The following ATP8A2 variants were observed in gnomAD, a reference collection of about 807,000 sequenced individuals.
ATP8A2 encodes the protein phospholipid-transporting ATPase IB.
In ATP8A2, 100 loss-of-function variants were observed where a neutral mutation model predicts 165.6. The ratio of observed to expected loss-of-function variants is 0.60; its 90% CI spans 0.51 to 0.71. The LOEUF (loss-of-function observed/expected upper bound fraction) is 0.71, where lower values mean the gene tolerates loss of function less well. ATP8A2 is among the 30% of genes least tolerant of loss of function. ATP8A2 has a pLI of 0.00. For synonymous variants in ATP8A2, 543 were observed against 548.8 expected, an observed-to-expected ratio of 0.99 and a Z score of 0.15; for missense variants, 1,227 against 1,479.5, an observed-to-expected ratio of 0.83 and a Z score of 2.80.
At chr13:25,580,041 G>A in intron 22 of ATP8A2, 94 bp downstream of exon 22, 1 of 1,399,586 alleles carries the variant, frequency 7.1e-7, no homozygotes, top group Non-Finnish European at 9.8e-7. Context: ...ACTATGTAGG[G>A]ATGTTCTCTT....
intron 33 of ATP8A2, among the ~76,000 whole-genome samples, chr13:25,960,754 A>G (rs368476637): frequency 7.2e-5 from 11 of 152,054 alleles, no homozygotes; most frequent in African/African-American, 2.7e-4. Context: ...CAACTCACCT[A>G]ACATCTAACT....
chr13:25,989,387 C>T (rs1593678684), intron 35 of ATP8A2, among the ~76,000 whole-genome samples: 1 of 152,158 alleles, frequency 6.6e-6, no homozygotes, highest in South Asian at 2.1e-4. Flanking sequence ...AAACTGGATC[C>T]AAATCTTCCT....
chr13:25,676,551 A>G (rs957779502), intron 24 of ATP8A2, among the ~76,000 whole-genome samples: 1 of 152,136 alleles, frequency 6.6e-6, no homozygotes, highest in Admixed American at 6.5e-5. Context: ...TGAGTGCCCC[A>G]CACTACCCAA....
At chr13:25,928,019 A>T (rs1430432259) in intron 33 of ATP8A2, among the ~76,000 whole-genome samples, 2 of 152,250 alleles carry the variant, frequency 1.3e-5, no homozygotes, top group African/African-American at 4.8e-5. Flanking sequence ...GAAGGTTGAA[A>T]AAATAAACAT....
In ATP8A2 at chr13:25,470,566, C is replaced by T. The variant is rs184935670; in HGVS notation, c.221+1445C>T. Among the ~76,000 whole-genome samples, 27 of 152,274 alleles carry T rather than the reference C, an allele frequency of 1.8e-4. 1 individual carries two copies. In the East Asian group the frequency reaches 5.2e-3, roughly 29 times the overall value. ...CAGTTTGGTAGTTCTTCAAAAGGTTCAATGTAAAGTTACCATATGACCTAG... is the reference window on the plus strand; with the variant it reads ...CAGTTTGGTAGTTCTTCAAAAGGTTTAATGTAAAGTTACCATATGACCTAG... On this transcript the variant is annotated intron_variant, in intron 2 of 36. Coordinates refer to ENST00000381655, the MANE Select transcript of ATP8A2 (RefSeq NM_016529.6).
At chr13:25,465,711 C>CTTTCTTTCTTTCT (rs1555274894) in intron 1 of ATP8A2, among the ~76,000 whole-genome samples, 1,370 of 21,340 alleles carry the variant, frequency 0.064, 232 homozygotes, top group Non-Finnish European at 0.093. Context: ...TTCTTTCTTT[C>CTTTCTTTCTTTCT]TTTCTTTCTT....
chr13:25,596,589 T>C (rs2040241982), intron 24 of ATP8A2, among the ~76,000 whole-genome samples: 1 of 152,200 alleles, frequency 6.6e-6, no homozygotes, highest in Non-Finnish European at 1.5e-5. Context: ...TGTTGCTGTG[T>C]GTATCATCTG....
chr13:25,655,488 CATT>C (rs1278185347), intron 24 of ATP8A2, among the ~76,000 whole-genome samples: 1 of 152,142 alleles, frequency 6.6e-6, no homozygotes, highest in Non-Finnish European at 1.5e-5. Flanking sequence ...TCATTTAGAA[CATT>C]ATTATTGTTG....
At chr13:25,469,158 G>A in intron 2 of ATP8A2, 37 bp downstream of exon 2, 1 of 1,608,460 alleles carries the variant, frequency 6.2e-7, no homozygotes, top group African/African-American at 1.3e-5. Context: ...GAAGGCGGTG[G>A]AGTCACAGCT....
At chr13:25,697,918 C>T (rs900320256) in intron 24 of ATP8A2, among the ~76,000 whole-genome samples, 1 of 152,128 alleles carries the variant, frequency 6.6e-6, no homozygotes, top group African/African-American at 2.4e-5. Flanking sequence ...AAACACTGAA[C>T]AATAAGACAG....
intron 10 of ATP8A2, among the ~76,000 whole-genome samples, chr13:25,545,192 A>T (rs1399382464): frequency 6.6e-6 from 1 of 151,966 alleles, no homozygotes; most frequent in Non-Finnish European, 1.5e-5. Context: ...GTGTTGAAGC[A>T]AGGCGGGAGG....
intron 1 of ATP8A2, among the ~76,000 whole-genome samples, chr13:25,419,871 C>T (rs554014814): frequency 6.6e-6 from 1 of 151,870 alleles, no homozygotes; most frequent in East Asian, 1.9e-4. Flanking sequence ...CTGCAAAGAA[C>T]CCTGGCCCTT....
At chr13:25,378,095 A>T (rs1390665763) in intron 1 of ATP8A2, among the ~76,000 whole-genome samples, 1 of 152,106 alleles carries the variant, frequency 6.6e-6, no homozygotes, top group Non-Finnish European at 1.5e-5. Flanking sequence ...AGCCTGGACA[A>T]CAGAGCGAGA....
intron 33 of ATP8A2, among the ~76,000 whole-genome samples, chr13:25,886,352 T>C (rs1056720062): frequency 6.6e-6 from 1 of 152,170 alleles, no homozygotes; most frequent in Non-Finnish European, 1.5e-5. Context: ...AGAGTCTCAG[T>C]GTGGAAACGG....
intron 23 of ATP8A2, among the ~76,000 whole-genome samples, chr13:25,587,627 G>C (rs2039960820): frequency 6.6e-6 from 1 of 152,196 alleles, no homozygotes; most frequent in Non-Finnish European, 1.5e-5. Context: ...CACTAAATTT[G>C]TAACAGTCTA....
chr13:25,872,985 G>A (rs553777887), intron 33 of ATP8A2, among the ~76,000 whole-genome samples: 10 of 151,972 alleles, frequency 6.6e-5, no homozygotes, highest in Non-Finnish European at 1.3e-4. Flanking sequence ...CGTATTTCAA[G>A]TACTCAGTAG....
chr13:25,997,719 A>G (rs1428221776), intron 35 of ATP8A2, among the ~76,000 whole-genome samples: 3 of 152,108 alleles, frequency 2.0e-5, no homozygotes, highest in Non-Finnish European at 4.4e-5. Context: ...TGTTGAGCCC[A>G]TCCACTGAGG....
At chr13:25,445,580 A>G (rs559155823) in intron 1 of ATP8A2, among the ~76,000 whole-genome samples, 2 of 152,326 alleles carry the variant, frequency 1.3e-5, no homozygotes, top group South Asian at 2.1e-4. Context: ...TTTTAGCCAA[A>G]ATATACCTCT....
intron 33 of ATP8A2, among the ~76,000 whole-genome samples, chr13:25,905,623 G>T (rs1011403349): frequency 6.6e-6 from 1 of 152,272 alleles, no homozygotes; most frequent in Middle Eastern, 3.4e-3. Context: ...TCTGCAGGCC[G>T]CTGCCATCTG....
Sources: allele counts gnomAD v4.1 joint callset (sites outside exome capture counted in the v4.1 genomes callset), GRCh38; gene constraint gnomAD v4.1.1; transcripts MANE v1.5; gene names NCBI Gene and HGNC (gene_info 2026-07-23, HGNC 2026-07-21).